Variants in OMA1 observed in about 807,000 individuals in gnomAD.
The protein encoded by OMA1 is metalloendopeptidase OMA1, mitochondrial.
Under a neutral mutation model 30.9 loss-of-function variants are expected in OMA1, and 38 were observed. The ratio of observed to expected loss-of-function variants is 1.23; its 90% CI spans 0.95 to 1.61. The LOEUF is 1.61. Ranked by LOEUF, OMA1 falls within the 40% of genes most tolerant of loss-of-function variation. OMA1 has a pLI of 0.00. For missense variants in OMA1, 461 were observed against 349.2 expected, an observed-to-expected ratio of 1.32 and a Z score of -2.55; for synonymous variants, 173 against 121.9, an observed-to-expected ratio of 1.42 and a Z score of -2.76.
At chr1:58,532,196 A>C (rs1350919542) in intron 5 of OMA1, among the ~76,000 whole-genome samples, 1 of 152,130 alleles carries the variant, frequency 6.6e-6, no homozygotes, top group Non-Finnish European at 1.5e-5. Flanking sequence ...CAAAACTGAG[A>C]CTCCCAAAAG....
At position 58,534,330 on chromosome 1, in the gene OMA1, C is replaced by T; in HGVS notation, c.731G>A (p.Trp244Ter). The T allele has an allele frequency of 4.8e-6, 4 of 838,576 alleles. No homozygotes were observed. Among genetic ancestry groups the T allele is most frequent in the Non-Finnish European group, 6.1e-6 (3 of 489,674 alleles). 51.9% of individuals were successfully genotyped at this position (838,576 alleles called of 1,614,324 possible). A position where few individuals can be genotyped will look rare whatever the true frequency, so the allele number is the denominator to read the frequency against. The change falls in exon 4 of 9, where the codon TGG (tryptophan) becomes TAG (stop). Residue 244 changes from tryptophan (W) to a stop codon, truncating the protein, a stop_gained and splice_region_variant. Coordinates refer to ENST00000371226, the MANE Select transcript of OMA1 (RefSeq NM_145243.5). LOFTEE classifies it high-confidence loss of function. Reference protein sequence around the residue: ...RLLSELEYEAWMEEFKNDMLT... With the variant: ...RLLSELEYEA ...CATATCATTTTTAAATTCTTCCATC[C>T]ACTGAAAGATTAAAAATTACTTCTT...
chr1:58,534,473 T>C, intron 3 of OMA1, 142 bp from the exon 4 acceptor site: 1 of 522,846 alleles, frequency 1.9e-6, no homozygotes, highest in Admixed American at 3.8e-5. Context: ...AGCACTGAAA[T>C]TTCTCAAATC....
chr1:58,507,374 C>T (rs1015536730), intron 7 of OMA1, among the ~76,000 whole-genome samples: 1 of 151,918 alleles, frequency 6.6e-6, no homozygotes, highest in African/African-American at 2.4e-5. Flanking sequence ...ATTAATAGAA[C>T]ACTGCATGCT....
chr1:58,496,841 G>A lies in OMA1; in HGVS notation c.1365+9219C>T, dbSNP rs190571285. Among the ~76,000 whole-genome samples the A allele has an allele frequency of 1.2e-3, 190 of 152,252 alleles. 3 individuals are homozygous for A. Among genetic ancestry groups the A allele is most frequent in the African/African-American group, 4.3e-3 (178 of 41,534 alleles). ...CTGAGTTCTAAATAGATTCTACATAGATTTCTCGTGAAGACACATTTCTCA... is the reference window on the plus strand; with the variant it reads ...CTGAGTTCTAAATAGATTCTACATAAATTTCTCGTGAAGACACATTTCTCA... On this transcript the variant is annotated intron_variant, in intron 8 of 8. Transcript: ENST00000371226.
chr1:58,542,478 C>T (rs1304073734), intron 1 of OMA1: 1 of 152,038 alleles, frequency 6.6e-6, no homozygotes, highest in African/African-American at 2.4e-5. Context: ...TTAAATACTA[C>T]ATACTGTATG....
rs1646366940 is a variant in OMA1, at chr1:58,527,266, C to CAGTA, written c.1209_1210insTACT (p.Ala404TyrfsTer22). The stretch of plus-strand genomic sequence containing the variant: ...TCAACTACTAAACACTTTACCTTTG[C>CAGTA]AGCAAGCAGTAGTCCAATTTTGTCA... On this transcript the variant is annotated frameshift_variant, in exon 7 of 9. Transcript: ENST00000371226. LOFTEE classifies it high-confidence loss of function. 1.1e-6 allele frequency: 1 copy of CAGTA among 872,154 alleles called. No individual in the cohort carries two copies. Among genetic ancestry groups the CAGTA allele is most frequent in the African/African-American group, 1.6e-5 (1 of 61,308 alleles). The allele number at this position is 872,154 out of a possible 1,614,324, so 54.0% of individuals were successfully genotyped here. A position where few individuals can be genotyped will look rare whatever the true frequency, so the allele number is the denominator to read the frequency against.
intron 5 of OMA1, 55 bp downstream of exon 5, chr1:58,533,898 C>T: frequency 1.2e-6 from 1 of 834,582 alleles, no homozygotes. Context: ...AAAGATTTAA[C>T]TTGTTAACTT....
chr1:58,506,994 C>T (rs1027925463), intron 7 of OMA1, among the ~76,000 whole-genome samples: 2 of 151,932 alleles, frequency 1.3e-5, no homozygotes, highest in Non-Finnish European at 2.9e-5. Flanking sequence ...TGTATATGCA[C>T]AGAACATATC....
At chr1:58,542,785 G>C (rs1045865537) in intron 1 of OMA1, among the ~76,000 whole-genome samples, 4 of 152,238 alleles carry the variant, frequency 2.6e-5, no homozygotes, top group African/African-American at 9.6e-5. Context: ...CTCATTTTAG[G>C]GGACAGGCTT....
intron 8 of OMA1, among the ~76,000 whole-genome samples, chr1:58,504,421 G>A (rs987741186): frequency 2.6e-5 from 4 of 152,070 alleles, no homozygotes; most frequent in Non-Finnish European, 5.9e-5. Context: ...GCTTCCTTCC[G>A]GATTCTGATT....
intron 7 of OMA1, among the ~76,000 whole-genome samples, chr1:58,522,073 C>T (rs946900597): frequency 2.0e-5 from 3 of 152,004 alleles, no homozygotes; most frequent in Non-Finnish European, 4.4e-5. Flanking sequence ...GTATATTTCC[C>T]CAAAAATGCA....
At chr1:58,527,921 T>C (rs11207249) in intron 6 of OMA1, among the ~76,000 whole-genome samples, 2,596 of 152,340 alleles carry the variant, frequency 0.017, 73 homozygotes, top group African/African-American at 0.06. Context: ...TTTTCCTAAT[T>C]ACTTGTATTT....
chr1:58,508,568 A>G (rs535509023), intron 7 of OMA1, among the ~76,000 whole-genome samples: 1 of 152,278 alleles, frequency 6.6e-6, no homozygotes, highest in South Asian at 2.1e-4. Context: ...TATGATCATA[A>G]GAACACCTGC....
chr1:58,542,444 T>C (rs1646637103), intron 1 of OMA1: 1 of 152,146 alleles, frequency 6.6e-6, no homozygotes, highest in East Asian at 1.9e-4. Flanking sequence ...AGTAAGACTA[T>C]TAGGGGATAA....
intron 8 of OMA1, among the ~76,000 whole-genome samples, chr1:58,487,902 G>A (rs1043983100): frequency 3.3e-5 from 5 of 151,182 alleles, no homozygotes; most frequent in African/African-American, 4.9e-5. Context: ...GCATGTTACC[G>A]TACCTCTTCT....
At chr1:58,541,478 G>C (rs1646614352) in intron 1 of OMA1, 1 of 149,528 alleles carries the variant, frequency 6.7e-6, no homozygotes, top group South Asian at 2.1e-4. Context: ...GGATTACAAA[G>C]AGTGGTGCTT....
chr1:58,491,499 T>C (rs959098025), intron 8 of OMA1, among the ~76,000 whole-genome samples: 5 of 152,146 alleles, frequency 3.3e-5, no homozygotes, highest in African/African-American at 9.7e-5. Context: ...GACCCATCAG[T>C]GTGCTGTATT....
rs1569978864 is a variant in OMA1 at position 58,538,859 on chromosome 1, G to A, written c.436C>T (p.Pro146Ser). ...FHTSPRFQAA[P>S]VPLLLMILKP... ...AGAATCATCAACAAGAGAGGAACCGGAGCAGCTTGAAACCGTGGAGAAGTA... is the reference window on the plus strand; with the variant it reads ...AGAATCATCAACAAGAGAGGAACCGAAGCAGCTTGAAACCGTGGAGAAGTA... Residue 146 changes from proline (P) to serine (S), a missense_variant, in exon 2 of 9, where the codon CCG (proline) becomes TCG (serine). Physicochemically the swap from Pro to Ser is moderately conservative, Grantham distance 74. Transcript: ENST00000371226. The A allele has an allele frequency of 1.1e-6, 1 of 871,998 alleles. No individual in the cohort carries two copies. The highest frequency in any genetic ancestry group is 2.0e-6 in the Non-Finnish European group (1 of 501,374). 54.0% of individuals were successfully genotyped at this position (871,998 alleles called of 1,614,324 possible). A position where few individuals can be genotyped will look rare whatever the true frequency, so the allele number is the denominator to read the frequency against.
At chr1:58,544,392 GA>G (rs1335941352) in intron 1 of OMA1, among the ~76,000 whole-genome samples, 2 of 152,032 alleles carry the variant, frequency 1.3e-5, no homozygotes, top group Non-Finnish European at 2.9e-5. Flanking sequence ...ATAGTAATGA[GA>G]AAATATGCTA....
Sources: gnomAD v4.1 joint callset for allele counts (sites outside exome capture counted in the v4.1 genomes callset) on GRCh38, gnomAD v4.1.1 for gene constraint, MANE v1.5 for transcripts, NCBI Gene and HGNC (gene_info 2026-07-23, HGNC 2026-07-21) for gene names.